Variants in HERC4 observed in about 807,000 individuals in gnomAD.
The protein encoded by HERC4 is HECT and RLD domain containing E3 ubiquitin protein ligase 4.
A neutral mutation model predicts 124.3 loss-of-function variants in HERC4; 28 were observed. The observed-to-expected ratio is 0.23, with a 90% CI of 0.17 to 0.31. The LOEUF (loss-of-function observed/expected upper bound fraction) is 0.31, where lower values mean the gene tolerates loss of function less well. Among genes scored for constraint, HERC4 ranks in the 10% least tolerant of loss-of-function variants. The pLI, the probability that HERC4 is intolerant of heterozygous loss-of-function variation, is 1.00. For missense variants in HERC4, 713 were observed against 1,229.3 expected (o/e 0.58, Z 6.28); for synonymous variants, 407 against 421.5 (o/e 0.97, Z 0.42).
Position 67,956,955 on chromosome 10 carries a change from T to C in HERC4, c.1948A>G (p.Ile650Val). 2 of 1,588,308 alleles carry C rather than the reference T, an allele frequency of 1.3e-6. No homozygotes were observed. The highest frequency in any genetic ancestry group is 1.7e-6 in the Non-Finnish European group (2 of 1,168,216). ...YGMLADIPVT[I>V]CTYPFVFDAQ... ...TCAAATACAAATGGATATGTACAGA[T>C]TGTAACAGGGATATCTGCCAACTGG... Residue 650 changes from isoleucine to valine, a missense_variant, in exon 17 of 25, where the codon ATC becomes GTC. By Grantham distance (29) the Ile-to-Val change is conservative (BLOSUM62 3). Transcript: ENST00000373700.
At chr10:68,010,748 A>G in intron 9 of HERC4, 1 of 1,488,654 alleles carries the variant, frequency 6.7e-7, no homozygotes, top group Non-Finnish European at 9.2e-7. Flanking sequence ...TTGGCTGAAC[A>G]TATTCCCAAA....
intron 19 of HERC4, among the ~76,000 whole-genome samples, chr10:67,952,942 A>G (rs776259612): frequency 3.3e-5 from 5 of 151,992 alleles, no homozygotes; most frequent in Admixed American, 6.6e-5. Flanking sequence ...TGCACAAATA[A>G]TATAAAGAAC....
chr10:68,038,019 G>T (rs1046319459), intron 5 of HERC4, 74 bp downstream of exon 5: 18 of 795,896 alleles, frequency 2.3e-5, no homozygotes, highest in Non-Finnish European at 3.5e-5. Flanking sequence ...AGCAAAGCTG[G>T]AGAACTATAT....
At chr10:67,954,349 T>C (rs146414165) in intron 19 of HERC4, 4 of 330,182 alleles carry the variant, frequency 1.2e-5, no homozygotes, top group East Asian at 4.9e-5. Context: ...GCAGAAGGAA[T>C]AGTCAACATT....
At chr10:68,025,246 G>GA (rs1300436905) in intron 8 of HERC4, among the ~76,000 whole-genome samples, 2 of 150,748 alleles carry the variant, frequency 1.3e-5, no homozygotes, top group East Asian at 1.9e-4. Flanking sequence ...GAAAAGAAAA[G>GA]AAAAAAAGGT....
At chr10:67,925,272 T>G in intron 23 of HERC4, 85 bp from the exon 24 acceptor site, 1 of 665,176 alleles carries the variant, frequency 1.5e-6, no homozygotes, top group South Asian at 2.2e-5. Context: ...TCCAGTAGTT[T>G]GCAACTTGTG....
intron 3 of HERC4, among the ~76,000 whole-genome samples, chr10:68,058,174 C>T (rs916683917): frequency 1.3e-5 from 2 of 151,980 alleles, no homozygotes; most frequent in African/African-American, 4.8e-5. Flanking sequence ...CATTTTATAT[C>T]GCTCCAATAA....
chr10:67,940,279 AT>A (rs1213983699), intron 20 of HERC4, among the ~76,000 whole-genome samples: 1 of 152,202 alleles, frequency 6.6e-6, no homozygotes, highest in African/African-American at 2.4e-5. Flanking sequence ...ATAAAAATAA[AT>A]TTCACATATT....
chr10:68,009,097 A>G (rs1272297573), intron 9 of HERC4, among the ~76,000 whole-genome samples: 1 of 152,018 alleles, frequency 6.6e-6, no homozygotes, highest in Admixed American at 6.6e-5. Flanking sequence ...GGTGGTGCGC[A>G]CCTGAAATCC....
In HERC4 at chr10:67,966,802, C is replaced by G. The variant is rs1449663009; in HGVS notation, c.1807G>C (p.Val603Leu). ...ATAATCTGTCCCATTTTCTCATTTA[C>G]CTACAAAAGAAAATGTAATTGACAT... is the stretch of plus-strand genomic sequence containing the variant. ...ALKVLEILHR[V>L]NEKMGQIIQY... The change falls in exon 16 of 25, where the codon GTA becomes CTA. Residue 603 changes from valine to leucine, a missense_variant and splice_region_variant. By Grantham distance (32) the Val-to-Leu change is conservative. Transcript: ENST00000373700. 1 of 1,539,816 alleles carries G rather than the reference C, an allele frequency of 6.5e-7. No homozygotes were observed. Among genetic ancestry groups the G allele is most frequent in the South Asian group, 1.2e-5 (1 of 80,286 alleles).
At chr10:67,979,690 A>G (rs2035810302) in intron 15 of HERC4, among the ~76,000 whole-genome samples, 1 of 152,160 alleles carries the variant, frequency 6.6e-6, no homozygotes, top group Admixed American at 6.6e-5. Flanking sequence ...GGATCCTGAA[A>G]ACAGAAAGAG....
intron 9 of HERC4, among the ~76,000 whole-genome samples, chr10:68,002,176 A>T (rs35954815): frequency 0.12 from 16,295 of 135,546 alleles, 949 homozygotes; most frequent in South Asian, 0.17. Flanking sequence ...TTTTAATTAT[A>T]AAAAAAACAT....
At position 68,058,284 on chromosome 10, in the gene HERC4, GA is replaced by G. The variant is rs151129119; in HGVS notation, c.227-13722del. 5.9e-3 allele frequency among the ~76,000 whole-genome samples: 893 copies of G among 152,234 alleles called. 13 individuals carry two copies. The highest frequency in any genetic ancestry group is 0.021 in the African/African-American group (858 of 41,554). The stretch of plus-strand genomic sequence containing the variant: ...AGGTTAATTGAAGACTAAAGGCAAA[GA>G]AGTACTTCCATGCCTAGCACAATAT... On this transcript the variant is annotated intron_variant, in intron 3 of 24. Transcript: ENST00000373700.
intron 16 of HERC4, chr10:67,959,151 C>T: frequency 6.3e-7 from 1 of 1,579,132 alleles, no homozygotes; most frequent in African/African-American, 1.4e-5. Flanking sequence ...GACAGCAGTG[C>T]AGAATATAAC....
intron 8 of HERC4, among the ~76,000 whole-genome samples, chr10:68,024,160 T>C (rs2038785818): frequency 6.6e-6 from 1 of 152,098 alleles, no homozygotes; most frequent in Admixed American, 6.6e-5. Context: ...CCTGAGGAAA[T>C]GTAAGTGGCC....
intron 23 of HERC4, among the ~76,000 whole-genome samples, chr10:67,932,254 G>C (rs530899172): frequency 4.6e-5 from 7 of 152,246 alleles, no homozygotes; most frequent in Admixed American, 4.6e-4. Context: ...ACCACGCCTG[G>C]CCTAAGTTAT....
intron 8 of HERC4, among the ~76,000 whole-genome samples, chr10:68,015,534 AT>A (rs1488700655): frequency 2.6e-5 from 4 of 152,086 alleles, no homozygotes; most frequent in African/African-American, 9.7e-5. Context: ...TGGTTTTCAA[AT>A]TTCTTTTGTT....
Position 67,941,045 on chromosome 10 carries a change from T to C in HERC4, c.2398A>G (p.Asn800Asp). Reference sequence around the variant, plus strand: ...AAATGGAGGTCCACAATGGTACAATTATAAATTGCTAAGCCACAGATAACA... The same window carrying C: ...AAATGGAGGTCCACAATGGTACAATCATAAATTGCTAAGCCACAGATAACA... Reference protein sequence around the residue: ...IGVICGLAIYNCTIVDLHFPL... With the variant: ...IGVICGLAIYDCTIVDLHFPL... The change falls in exon 20 of 25, where the codon AAT becomes GAT. Residue 800 changes from asparagine (N) to aspartate (D), a missense_variant. Physicochemically the swap from Asn to Asp is conservative, Grantham distance 23 (BLOSUM62 1). Transcript: ENST00000373700. The C allele has an allele frequency of 6.2e-7, 1 of 1,610,166 alleles. No individual in the cohort carries two copies. Among genetic ancestry groups the C allele is most frequent in the Non-Finnish European group, 8.5e-7 (1 of 1,178,328 alleles).
chr10:68,061,593 A>AATG (rs2041018198), intron 3 of HERC4, among the ~76,000 whole-genome samples: 2 of 150,722 alleles, frequency 1.3e-5, no homozygotes, highest in Admixed American at 1.3e-4. Context: ...AGAATAAGCA[A>AATG]ATGGGCTGGG....
Sources: allele counts gnomAD v4.1 joint callset (sites outside exome capture counted in the v4.1 genomes callset), GRCh38; gene constraint gnomAD v4.1.1; transcripts MANE v1.5; gene names NCBI Gene and HGNC (gene_info 2026-07-23, HGNC 2026-07-21).